AMBN: variants seen among roughly 807,000 people sequenced by gnomAD.
AMBN encodes the protein ameloblastin.
AMBN carries 54 observed loss-of-function variants against 48.0 expected under a neutral mutation model. The observed-to-expected ratio is 1.12, with a 90% CI of 0.90 to 1.41. AMBN has a LOEUF of 1.41. Ranked by LOEUF, AMBN falls within the 40% of genes most tolerant of loss-of-function variation. The probability of loss-of-function intolerance (pLI) is 0.00; values close to 1 mark genes in which losing one functional copy is unlikely to be tolerated. For synonymous variants in AMBN, 186 were observed against 190.0 expected (o/e 0.98, Z 0.17); for missense variants, 571 against 547.3 (o/e 1.04, Z -0.43).
chr4:70,595,056 C>T (rs1379548515), intron 2 of AMBN, among the ~76,000 whole-genome samples: 1 of 152,098 alleles, frequency 6.6e-6, no homozygotes, highest in African/African-American at 2.4e-5. Context: ...CCTGCTCTCA[C>T]GATTCCCCCA....
At chr4:70,600,251 G>T (rs989015368) in intron 5 of AMBN, among the ~76,000 whole-genome samples, 3 of 152,078 alleles carry the variant, frequency 2.0e-5, no homozygotes, top group African/African-American at 2.4e-5. Context: ...AGAGGCTGCA[G>T]TGAGCCGAGA....
Position 70,603,865 on chromosome 4 carries a change from C to G in AMBN, c.754-12C>G. ...TGGTTCGTAATTTGACGCAATATTT[C>G]TTTTTGAACAGAATGCCCCTGCCAG... is the stretch of plus-strand genomic sequence containing the variant. On this transcript the variant is annotated splice_polypyrimidine_tract_variant and intron_variant, in intron 11 of 12. Coordinates refer to ENST00000322937, the MANE Select transcript of AMBN (RefSeq NM_016519.6). 4 of 1,613,866 alleles carry G rather than the reference C, an allele frequency of 2.5e-6. No individual in the cohort carries two copies. Among genetic ancestry groups the G allele is most frequent in the Non-Finnish European group, 3.4e-6 (4 of 1,179,896 alleles).
chr4:70,596,086 T>C (rs1016734855), intron 2 of AMBN, among the ~76,000 whole-genome samples: 5 of 151,964 alleles, frequency 3.3e-5, no homozygotes, highest in Admixed American at 3.3e-4. Context: ...GCTCAGGAGT[T>C]CAAGACCAGC....
At chr4:70,600,722 G>A (rs1008158763) in intron 5 of AMBN, among the ~76,000 whole-genome samples, 7 of 152,090 alleles carry the variant, frequency 4.6e-5, no homozygotes, top group South Asian at 2.1e-4. Context: ...TGATTTTAAC[G>A]GGGAATTTTT....
intron 12 of AMBN, 75 bp from the exon 13 acceptor site, chr4:70,606,110 G>A: frequency 6.6e-7 from 1 of 1,505,972 alleles, no homozygotes; most frequent in East Asian, 2.3e-5. Context: ...CTTGGTGAAT[G>A]TGACCAGGTA....
intron 12 of AMBN, among the ~76,000 whole-genome samples, chr4:70,604,603 CAT>C (rs1021887006): frequency 2.0e-5 from 3 of 152,216 alleles, no homozygotes; most frequent in Non-Finnish European, 2.9e-5. Flanking sequence ...AACACACACA[CAT>C]ATTATCTGTG....
chr4:70,597,145 A>T, intron 3 of AMBN, 96 bp downstream of exon 3: 1 of 1,157,642 alleles, frequency 8.6e-7, no homozygotes, highest in South Asian at 1.5e-5. Flanking sequence ...TTTCCTAGCC[A>T]GAAGTTTGTG....
intron 12 of AMBN, among the ~76,000 whole-genome samples, chr4:70,604,329 T>C (rs1276453717): frequency 6.6e-6 from 1 of 152,148 alleles, no homozygotes; most frequent in Non-Finnish European, 1.5e-5. Flanking sequence ...GATCTCAAAA[T>C]TGAAAGATCA....
rs756925513 is a variant in AMBN, at chr4:70,603,848, A to G, written c.754-29A>G. 6.2e-6 allele frequency: 10 copies of G among 1,613,470 alleles called. No individual in the cohort carries two copies. The Admixed American group carries it at 1.7e-4, about 27-fold the overall frequency. On this transcript the variant is annotated intron_variant, in intron 11 of 12. Coordinates refer to ENST00000322937, the MANE Select transcript of AMBN (RefSeq NM_016519.6). ...GTAGATAAGAAGGTAGCTGGTTCGT[A>G]ATTTGACGCAATATTTCTTTTTGAA... is the stretch of plus-strand genomic sequence containing the variant.
At position 70,602,947 on chromosome 4, in the gene AMBN, A is replaced by T. The variant is rs549158960; in HGVS notation, c.610-25A>T. 6.0e-4 allele frequency: 942 copies of T among 1,578,954 alleles called. 11 individuals are homozygous for T. In the South Asian group the frequency reaches 0.01, roughly 17 times the overall value. On this transcript the variant is annotated intron_variant, in intron 8 of 12. Transcript: ENST00000322937. ...TATTTTGTTCCTTTTTTGACTGATA[A>T]TTTTAATATTTATCTGTAATATAGC... is the stretch of plus-strand genomic sequence containing the variant.
At chr4:70,602,594 T>C (rs1432955171) in intron 6 of AMBN, 30 bp from the exon 7 acceptor site, 1 of 1,492,416 alleles carries the variant, frequency 6.7e-7, no homozygotes, top group Non-Finnish European at 9.0e-7. Context: ...ATTTTTTGAC[T>C]GATAATTTTA....
chr4:70,602,988 T>C lies in AMBN; in HGVS notation c.626T>C (p.Phe209Ser), dbSNP rs1363711207. Reference protein sequence around the residue: ...PQGPSLPGLDFADPQGSTIFQ... With the variant: ...PQGPSLPGLDSADPQGSTIFQ... ...GTAATATAGCTCCCAGGATTGGATT[T>C]TGCTGATCCACAAGGTTCAACAGTA... is the stretch of plus-strand genomic sequence containing the variant. Residue 209 changes from phenylalanine (F) to serine (S), a missense_variant, in exon 9 of 13, where the codon TTT becomes TCT. By Grantham distance (155) the Phe-to-Ser change is radical. Coordinates refer to ENST00000322937, the MANE Select transcript of AMBN (RefSeq NM_016519.6). The C allele has an allele frequency of 6.2e-7, 1 of 1,606,388 alleles. No individual in the cohort carries two copies. The highest frequency in any genetic ancestry group is 1.3e-5 in the African/African-American group (1 of 74,738).
rs1395832963 is a variant in AMBN at position 70,606,461 on chromosome 4, G to A, written c.1075G>A (p.Asp359Asn). The A allele has an allele frequency of 1.2e-6, 2 of 1,613,974 alleles. No individual in the cohort carries two copies. Among genetic ancestry groups the A allele is most frequent in the Non-Finnish European group, 1.7e-6 (2 of 1,179,986 alleles). Residue 359 changes from aspartate to asparagine, a missense_variant, in exon 13 of 13, where the codon GAT becomes AAT. Coordinates refer to ENST00000322937, the MANE Select transcript of AMBN (RefSeq NM_016519.6). ...CGCAGGGCTCCTTGCTCTCCCTAAG[G>A]ATGACATTCCCGGCCTGCCAAGGAG... ...PHAGLLALPK[D>N]DIPGLPRSPS...
chr4:70,593,993 T>C (rs1034241639), intron 2 of AMBN, among the ~76,000 whole-genome samples: 1 of 152,136 alleles, frequency 6.6e-6, no homozygotes, highest in African/African-American at 2.4e-5. Context: ...GTCTCCACAA[T>C]GCATGGCGAA....
Position 70,603,241 on chromosome 4 carries a change from T to C in AMBN, c.649-19T>C. The C allele has an allele frequency of 6.2e-7, 1 of 1,609,586 alleles. No individual in the cohort carries two copies. Among genetic ancestry groups the C allele is most frequent in the Non-Finnish European group, 8.5e-7 (1 of 1,176,438 alleles). ...ATGTGCCTGTGAGAATTACTTATTC[T>C]GTTTTCTACCATTTAAAGATTTTCC... is the stretch of plus-strand genomic sequence containing the variant. On this transcript the variant is annotated intron_variant, in intron 9 of 12. Coordinates refer to ENST00000322937, the MANE Select transcript of AMBN (RefSeq NM_016519.6).
intron 3 of AMBN, 93 bp downstream of exon 3, chr4:70,597,142 G>A: frequency 8.4e-7 from 1 of 1,197,236 alleles, no homozygotes; most frequent in Non-Finnish European, 1.2e-6. Flanking sequence ...AGTTTTCCTA[G>A]CCAGAAGTTT....
chr4:70,601,136 A>G (rs1032177621), intron 5 of AMBN, among the ~76,000 whole-genome samples: 5 of 152,210 alleles, frequency 3.3e-5, no homozygotes, highest in African/African-American at 9.6e-5. Flanking sequence ...ACAGACAGCT[A>G]TGGGAACTTA....
At chr4:70,599,699 TAC>T in intron 5 of AMBN, 53 bp downstream of exon 5, 1 of 1,347,868 alleles carries the variant, frequency 7.4e-7, no homozygotes, top group South Asian at 1.3e-5. Context: ...AACCTCTTCT[TAC>T]TTGCCTTCTT....
At position 70,601,589 on chromosome 4, in the gene AMBN, C is replaced by A; in HGVS notation, c.466C>A (p.Gln156Lys). 1.2e-6 allele frequency: 2 copies of A among 1,614,146 alleles called. No homozygotes were observed. The highest frequency in any genetic ancestry group is 1.7e-6 in the Non-Finnish European group (2 of 1,179,988). ...AATTCACCTGGGACATCTGCCCTTG[C>A]AGGAAGGAGAACTGCCTCTGGTTCA... ...PPIHLGHLPL[Q>K]EGELPLVQQQ... Residue 156 changes from glutamine (Q) to lysine (K), a missense_variant, in exon 6 of 13, where the codon CAG becomes AAG. Transcript: ENST00000322937.
Sources: gnomAD v4.1 joint callset for allele counts (sites outside exome capture counted in the v4.1 genomes callset) on GRCh38, gnomAD v4.1.1 for gene constraint, MANE v1.5 for transcripts, NCBI Gene and HGNC (gene_info 2026-07-23, HGNC 2026-07-21) for gene names.